Variants in ELP4 observed in about 807,000 individuals in gnomAD.
ELP4 encodes elongator complex protein 4.
A neutral mutation model predicts 48.9 loss-of-function variants in ELP4; 51 were observed. The ratio of observed to expected loss-of-function variants is 1.04; its 90% CI spans 0.83 to 1.32. ELP4 has a LOEUF of 1.32. Among genes scored for constraint, ELP4 ranks in the 40% most tolerant of loss-of-function variants. ELP4 has a pLI of 0.00. For missense variants in ELP4, 519 were observed against 514.6 expected, an observed-to-expected ratio of 1.01 and a Z score of -0.08; for synonymous variants, 210 against 189.2, an observed-to-expected ratio of 1.11 and a Z score of -0.90.
At chr11:31,538,304 T>C (rs939966950) in intron 2 of ELP4, among the ~76,000 whole-genome samples, 3 of 148,522 alleles carry the variant, frequency 2.0e-5, no homozygotes, top group African/African-American at 7.3e-5. Context: ...CAATTCTATA[T>C]ATTACAGTAA....
intron 9 of ELP4, among the ~76,000 whole-genome samples, chr11:31,754,719 A>G (rs1308088084): frequency 2.0e-5 from 3 of 152,092 alleles, no homozygotes; most frequent in Non-Finnish European, 4.4e-5. Flanking sequence ...AAAAAATACA[A>G]AAATTAGCTG....
Position 31,789,906 on chromosome 11 carries a change from C to A in ELP4, c.*6382C>A. The stretch of plus-strand genomic sequence containing the variant: ...CACTGACTGAATTAACACAATATTT[C>A]CTTTCCTTTTTTTTTTTTTTTTTTT... On this transcript the variant is annotated 3_prime_UTR_variant, in exon 10 of 10. Coordinates refer to ENST00000640961, the MANE Select transcript of ELP4 (RefSeq NM_019040.5). 6.7e-7 allele frequency: 1 copy of A among 1,492,464 alleles called. No homozygotes were observed. The highest frequency in any genetic ancestry group is 1.2e-5 in the South Asian group (1 of 82,390). 92.5% of individuals were successfully genotyped at this position (1,492,464 alleles called of 1,614,324 possible).
At chr11:31,558,430 A>C (rs924809995) in intron 3 of ELP4, among the ~76,000 whole-genome samples, 1 of 152,186 alleles carries the variant, frequency 6.6e-6, no homozygotes, top group Non-Finnish European at 1.5e-5. Context: ...CTGCTATATT[A>C]ATATAAACAC....
chr11:31,653,060 C>T (rs904197725), intron 9 of ELP4: 3 of 151,620 alleles, frequency 2.0e-5, no homozygotes, highest in African/African-American at 4.8e-5. Flanking sequence ...TTGGAGAAAG[C>T]AAAGGAATAT....
At chr11:31,648,844 G>A (rs527714559) in intron 8 of ELP4, 1 of 151,638 alleles carries the variant, frequency 6.6e-6, no homozygotes, top group South Asian at 2.1e-4. Flanking sequence ...AGTAAAGAGT[G>A]GTTCTAATGA....
chr11:31,564,207 A>G (rs972216003), intron 3 of ELP4, among the ~76,000 whole-genome samples: 9 of 152,104 alleles, frequency 5.9e-5, no homozygotes, highest in Non-Finnish European at 1.2e-4. Flanking sequence ...TGGGTATTAG[A>G]TAACAAAAGT....
At chr11:31,770,236 G>T (rs1447344830) in intron 9 of ELP4, among the ~76,000 whole-genome samples, 3 of 152,192 alleles carry the variant, frequency 2.0e-5, no homozygotes, top group African/African-American at 7.2e-5. Flanking sequence ...CCAGCAAAAA[G>T]GTTGCCAGTG....
intron 9 of ELP4, chr11:31,651,597 A>G (rs2134075716): frequency 6.6e-6 from 1 of 151,928 alleles, no homozygotes; most frequent in East Asian, 1.9e-4. Flanking sequence ...TGAGTAATGT[A>G]CCATAATATT....
intron 9 of ELP4, chr11:31,681,797 A>G (rs775879621): frequency 1.8e-4 from 32 of 177,210 alleles, no homozygotes; most frequent in Non-Finnish European, 3.5e-4. Context: ...GCTGGAGTGC[A>G]GTGGCACGAT....
At chr11:31,746,409 A>T (rs1947592227) in intron 9 of ELP4, among the ~76,000 whole-genome samples, 1 of 152,210 alleles carries the variant, frequency 6.6e-6, no homozygotes, top group Non-Finnish European at 1.5e-5. Context: ...AAGGATTATA[A>T]ATCATGCTGC....
intron 3 of ELP4, among the ~76,000 whole-genome samples, chr11:31,593,809 A>T (rs1172065520): frequency 6.6e-6 from 1 of 152,208 alleles, no homozygotes; most frequent in African/African-American, 2.4e-5. Flanking sequence ...TGATATAACT[A>T]GTTTCTAAGA....
intron 7 of ELP4, among the ~76,000 whole-genome samples, chr11:31,638,412 T>C (rs1945024412): frequency 6.6e-6 from 1 of 151,882 alleles, no homozygotes; most frequent in Non-Finnish European, 1.5e-5. Context: ...GATCAATTAA[T>C]AGCCTTATTC....
chr11:31,661,794 T>C (rs1289523379), intron 9 of ELP4, among the ~76,000 whole-genome samples: 1 of 152,092 alleles, frequency 6.6e-6, no homozygotes, highest in Non-Finnish European at 1.5e-5. Flanking sequence ...AAATATCAGC[T>C]AATAAGATAA....
intron 3 of ELP4, among the ~76,000 whole-genome samples, chr11:31,554,513 G>T (rs1005529177): frequency 6.6e-6 from 1 of 151,788 alleles, no homozygotes; most frequent in Non-Finnish European, 1.5e-5. Flanking sequence ...TGTATACATT[G>T]TGAAACAATT....
intron 9 of ELP4, among the ~76,000 whole-genome samples, chr11:31,706,280 A>C (rs1211301892): frequency 6.6e-6 from 1 of 151,650 alleles, no homozygotes; most frequent in Non-Finnish European, 1.5e-5. Context: ...TCTTCCTTCT[A>C]CTATTAGAAA....
intron 3 of ELP4, among the ~76,000 whole-genome samples, chr11:31,540,374 T>G (rs1463799837): frequency 6.6e-6 from 1 of 152,200 alleles, no homozygotes; most frequent in Non-Finnish European, 1.5e-5. Flanking sequence ...AATCAGCAAA[T>G]TGGCTGATAA....
rs930610810 is a variant in ELP4, at chr11:31,783,758, C to T, written c.*234C>T. ...GAAAATAATTTTATTTTTAAATAAACGCCAAAAAATGTCAAAATCTCAAGA... is the reference window on the plus strand; with the variant it reads ...GAAAATAATTTTATTTTTAAATAAATGCCAAAAAATGTCAAAATCTCAAGA... On this transcript the variant is annotated 3_prime_UTR_variant, in exon 10 of 10. Coordinates refer to ENST00000640961, the MANE Select transcript of ELP4 (RefSeq NM_019040.5). 2.7e-5 allele frequency: 10 copies of T among 375,334 alleles called. No individual in the cohort carries two copies. Among genetic ancestry groups the T allele is most frequent in the African/African-American group, 1.4e-4 (7 of 48,620 alleles). 23.3% of individuals were successfully genotyped at this position (375,334 alleles called of 1,614,324 possible). A position where few individuals can be genotyped will look rare whatever the true frequency, so the allele number is the denominator to read the frequency against.
At chr11:31,704,113 A>C (rs1358737252) in intron 9 of ELP4, among the ~76,000 whole-genome samples, 2 of 152,160 alleles carry the variant, frequency 1.3e-5, no homozygotes, top group African/African-American at 2.4e-5. Flanking sequence ...TTTAGTTTGC[A>C]GTGCAATTGT....
At chr11:31,566,683 T>C (rs1333349092) in intron 3 of ELP4, among the ~76,000 whole-genome samples, 1 of 152,168 alleles carries the variant, frequency 6.6e-6, no homozygotes, top group Non-Finnish European at 1.5e-5. Flanking sequence ...TCCATTTTTA[T>C]CAGAATCTGA....
Sources: allele counts gnomAD v4.1 joint callset (sites outside exome capture counted in the v4.1 genomes callset), GRCh38; gene constraint gnomAD v4.1.1; transcripts MANE v1.5; gene names NCBI Gene and HGNC (gene_info 2026-07-23, HGNC 2026-07-21).